The following FBXL7 variants were observed in gnomAD, a reference collection of about 807,000 sequenced individuals.
The protein encoded by FBXL7 is F-box/LRR-repeat protein 7.
A neutral mutation model predicts 38.3 loss-of-function variants in FBXL7; 12 were observed. The observed-to-expected ratio is 0.31, with a 90% CI of 0.20 to 0.51. The LOEUF is 0.51. FBXL7 is among the 20% of genes least tolerant of loss of function. FBXL7 has a pLI of 0.98. For synonymous variants in FBXL7, 297 were observed against 300.9 expected, an observed-to-expected ratio of 0.99 and a Z score of 0.13; for missense variants, 567 against 676.4, an observed-to-expected ratio of 0.84 and a Z score of 1.79.
intron 2 of FBXL7, among the ~76,000 whole-genome samples, chr5:15,771,729 C>T (rs1434971477): frequency 6.6e-6 from 1 of 151,102 alleles, no homozygotes. Flanking sequence ...GGTTCCAAAA[C>T]CACAGCTATC....
At chr5:15,876,231 G>A (rs1434232864) in intron 2 of FBXL7, among the ~76,000 whole-genome samples, 7 of 151,646 alleles carry the variant, frequency 4.6e-5, no homozygotes, top group Admixed American at 2.0e-4. Context: ...AGGGAACATC[G>A]CACATGGGTG....
intron 2 of FBXL7, among the ~76,000 whole-genome samples, chr5:15,748,182 G>A (rs577482752): frequency 3.0e-4 from 46 of 152,182 alleles, no homozygotes; most frequent in Non-Finnish European, 6.8e-4. Context: ...TGGGTAGAGA[G>A]TAGGGATGCT....
intron 2 of FBXL7, among the ~76,000 whole-genome samples, chr5:15,619,590 C>T (rs985270754): frequency 7.2e-4 from 109 of 152,164 alleles, no homozygotes; most frequent in African/African-American, 2.5e-3. Flanking sequence ...TTCTTCAATT[C>T]CTTGAGCTTC....
At chr5:15,802,497 G>A (rs984607101) in intron 2 of FBXL7, among the ~76,000 whole-genome samples, 2 of 151,526 alleles carry the variant, frequency 1.3e-5, no homozygotes, top group Non-Finnish European at 1.5e-5. Context: ...GCTTAGCCCC[G>A]CCTCAGGACA....
intron 2 of FBXL7, among the ~76,000 whole-genome samples, chr5:15,887,988 CAG>C (rs1406759750): frequency 6.6e-6 from 1 of 152,158 alleles, no homozygotes; most frequent in Non-Finnish European, 1.5e-5. Context: ...GACATCATAA[CAG>C]AACCAAAAGT....
At chr5:15,774,364 C>G (rs955795136) in intron 2 of FBXL7, among the ~76,000 whole-genome samples, 16 of 152,178 alleles carry the variant, frequency 1.1e-4, no homozygotes, top group Non-Finnish European at 1.3e-4. Context: ...GGGGAAGAAG[C>G]ATATTCCCAA....
At chr5:15,766,299 C>A (rs1395836821) in intron 2 of FBXL7, among the ~76,000 whole-genome samples, 2 of 152,268 alleles carry the variant, frequency 1.3e-5, no homozygotes, top group East Asian at 1.9e-4. Context: ...ATGAGTTATA[C>A]CCACTATATT....
chr5:15,714,415 A>G (rs912437431), intron 2 of FBXL7, among the ~76,000 whole-genome samples: 2 of 152,132 alleles, frequency 1.3e-5, no homozygotes, highest in African/African-American at 4.8e-5. Context: ...GATCCAATGA[A>G]ACCTCTTTTC....
At chr5:15,681,991 T>G (rs1742858783) in intron 2 of FBXL7, among the ~76,000 whole-genome samples, 1 of 152,196 alleles carries the variant, frequency 6.6e-6, no homozygotes, top group Non-Finnish European at 1.5e-5. Context: ...CCAGGATAAT[T>G]CAGGTCTGCG....
chr5:15,503,677 G>A lies in FBXL7; in HGVS notation c.37+2964G>A, dbSNP rs539761394. On this transcript the variant is annotated intron_variant, in intron 1 of 3. Coordinates refer to ENST00000504595, the MANE Select transcript of FBXL7 (RefSeq NM_012304.5). Reference sequence around the variant, plus strand: ...CTGTGAATCCACTGTGATTCTGGGGGCTGCCTGATTTGCGAATTGTTCGTT... The same window carrying A: ...CTGTGAATCCACTGTGATTCTGGGGACTGCCTGATTTGCGAATTGTTCGTT... Among the ~76,000 whole-genome samples, 39 of 152,244 alleles carry A rather than the reference G, an allele frequency of 2.6e-4. No individual in the cohort carries two copies. The Middle Eastern group carries it at 0.017, about 66-fold the overall frequency.
chr5:15,604,728 C>A (rs2126499518), intron 1 of FBXL7, among the ~76,000 whole-genome samples: 1 of 152,292 alleles, frequency 6.6e-6, no homozygotes, highest in Admixed American at 6.5e-5. Flanking sequence ...TGCTTCAAGG[C>A]CCTGTATGTG....
intron 1 of FBXL7, among the ~76,000 whole-genome samples, chr5:15,613,536 G>C (rs1166149327): frequency 6.6e-6 from 1 of 152,182 alleles, no homozygotes; most frequent in Non-Finnish European, 1.5e-5. Flanking sequence ...TTTGTTCAGA[G>C]CCTAAGTCCC....
In FBXL7 at chr5:15,554,672, A is replaced by G. The variant is rs192319427; in HGVS notation, c.37+53959A>G. Reference sequence around the variant, plus strand: ...CCCACCTGAGAACAGGTGGGTCAGAATCAGCATTTCTACCAGACCTCCAGC... The same window carrying G: ...CCCACCTGAGAACAGGTGGGTCAGAGTCAGCATTTCTACCAGACCTCCAGC... On this transcript the variant is annotated intron_variant, in intron 1 of 3. Transcript: ENST00000504595. Among the ~76,000 whole-genome samples the G allele has an allele frequency of 9.9e-4, 151 of 152,312 alleles. No homozygotes were observed. The South Asian group carries it at 0.022, about 23-fold the overall frequency.
chr5:15,936,345 T>G lies in FBXL7; in HGVS notation c.740-105T>G. On this transcript the variant is annotated intron_variant, in intron 3 of 3. Coordinates refer to ENST00000504595, the MANE Select transcript of FBXL7 (RefSeq NM_012304.5). The surrounding 1 kb of genome is among the most constrained non-coding windows in gnomAD (Gnocchi z 6.0). The stretch of plus-strand genomic sequence containing the variant: ...AAGACAGGAAAGGGTAACATCAGCC[T>G]CGGACCCAGACTTGGGCGAGGGTCA... 1 of 1,400,282 alleles carries G rather than the reference T, an allele frequency of 7.1e-7. No individual in the cohort carries two copies. Among genetic ancestry groups the G allele is most frequent in the Non-Finnish European group, 9.6e-7 (1 of 1,045,058 alleles). The allele number at this position is 1,400,282 out of a possible 1,614,324, so 86.7% of individuals were successfully genotyped here.
intron 1 of FBXL7, among the ~76,000 whole-genome samples, chr5:15,584,396 A>G (rs931430567): frequency 4.6e-5 from 7 of 152,166 alleles, no homozygotes; most frequent in Admixed American, 4.6e-4. Context: ...ATAAGTTCCA[A>G]TTTCAGACCA....
intron 2 of FBXL7, among the ~76,000 whole-genome samples, chr5:15,657,462 T>A (rs927135464): frequency 2.6e-5 from 4 of 152,158 alleles, no homozygotes; most frequent in African/African-American, 9.7e-5. Flanking sequence ...AATGAGGCCA[T>A]TATAAGTCAG....
rs371197451 is a variant in FBXL7, at chr5:15,598,718, C to T, written c.38-17265C>T. Among the ~76,000 whole-genome samples, 6 of 152,244 alleles carry T rather than the reference C, an allele frequency of 3.9e-5. No homozygotes were observed. In the South Asian group the frequency reaches 6.2e-4, roughly 16 times the overall value. ...TATCCAGAGAGAGAGAAAGAGAGCA[C>T]GCATCTCTTTCTTTACCAATGAATA... On this transcript the variant is annotated intron_variant, in intron 1 of 3. Transcript: ENST00000504595.
intron 2 of FBXL7, among the ~76,000 whole-genome samples, chr5:15,645,262 G>A (rs1482354655): frequency 6.6e-6 from 1 of 152,126 alleles, no homozygotes; most frequent in Non-Finnish European, 1.5e-5. Context: ...AAAGGGAAAG[G>A]TCAAGCTGGG....
intron 2 of FBXL7, among the ~76,000 whole-genome samples, chr5:15,882,265 T>C (rs1011393091): frequency 6.6e-6 from 1 of 152,200 alleles, no homozygotes; most frequent in African/African-American, 2.4e-5. Context: ...AGTAGGCTTC[T>C]GTGACTTCTG....
Sources: gnomAD v4.1 joint callset for allele counts (sites outside exome capture counted in the v4.1 genomes callset) on GRCh38, gnomAD v4.1.1 for gene constraint, Gnocchi (gnomAD v3.1) non-coding constraint, MANE v1.5 for transcripts, NCBI Gene and HGNC (gene_info 2026-07-23, HGNC 2026-07-21) for gene names.